The following SEMA3E variants were observed in gnomAD, a reference collection of about 807,000 sequenced individuals.
SEMA3E encodes the protein semaphorin-3E.
In SEMA3E, 49 loss-of-function variants were observed where a neutral mutation model predicts 93.6. The ratio of observed to expected loss-of-function variants is 0.52; its 90% CI spans 0.42 to 0.66. The LOEUF (loss-of-function observed/expected upper bound fraction) is 0.66. Ranked by LOEUF, SEMA3E falls within the 30% of genes least tolerant of loss-of-function variation. The pLI is 0.00. For synonymous variants in SEMA3E, 363 were observed against 330.7 expected (o/e 1.10, Z -1.06); for missense variants, 906 against 964.8 (o/e 0.94, Z 0.81).
intron 2 of SEMA3E, among the ~76,000 whole-genome samples, chr7:83,471,319 CA>C (rs1171315789): frequency 1.5e-5 from 1 of 67,444 alleles, no homozygotes; most frequent in East Asian, 3.9e-4. Context: ...GTAATTAAAA[CA>C]TTAAAAAAAA....
At chr7:83,372,352 T>A in intron 16 of SEMA3E, 1 of 397,744 alleles carries the variant, frequency 2.5e-6, no homozygotes, top group Non-Finnish European at 4.4e-6. Context: ...CTGTTATATC[T>A]CCTGTGAGAG....
chr7:83,646,787 C>T (rs906249796), intron 1 of SEMA3E, among the ~76,000 whole-genome samples: 1 of 151,822 alleles, frequency 6.6e-6, no homozygotes, highest in Non-Finnish European at 1.5e-5. Flanking sequence ...ATTATTAACT[C>T]TCTTATGAAA....
intron 4 of SEMA3E, among the ~76,000 whole-genome samples, chr7:83,464,986 G>A (rs1026505674): frequency 1.4e-5 from 2 of 145,912 alleles, no homozygotes; most frequent in East Asian, 2.1e-4. Context: ...TGACTTGCAC[G>A]TATACACCCA....
intron 16 of SEMA3E, among the ~76,000 whole-genome samples, chr7:83,370,416 A>G (rs545375354): frequency 1.3e-5 from 2 of 152,224 alleles, no homozygotes; most frequent in African/African-American, 4.8e-5. Context: ...GCTATCACAA[A>G]TTCCTATTTA....
Position 83,394,328 on chromosome 7 carries a change from G to A in SEMA3E, c.1469C>T (p.Pro490Leu), listed in dbSNP as rs1215883644. The A allele has an allele frequency of 6.2e-7, 1 of 1,612,742 alleles. No individual in the cohort carries two copies. Among genetic ancestry groups the A allele is most frequent in the Non-Finnish European group, 8.5e-7 (1 of 1,179,544 alleles). Reference sequence around the variant, plus strand: ...TGAAGAAATCTCCATAGAAATAATAGGAACTGGATCCTGAAATTTTAAAAA... The same window carrying A: ...TGAAGAAATCTCCATAGAAATAATAAGAACTGGATCCTGAAATTTTAAAAA... Reference protein sequence around the residue: ...EELQIFKDPVPIISMEISSKR... With the variant: ...EELQIFKDPVLIISMEISSKR... The change falls in exon 13 of 17, where the codon CCT becomes CTT. Residue 490 changes from proline (P) to leucine (L), a missense_variant. By Grantham distance (98) the Pro-to-Leu change is moderately conservative. Coordinates refer to ENST00000643230, the MANE Select transcript of SEMA3E (RefSeq NM_012431.3).
chr7:83,490,423 T>C (rs1790358821), intron 1 of SEMA3E, 149 bp from the exon 2 acceptor site: 1 of 730,642 alleles, frequency 1.4e-6, no homozygotes, highest in Non-Finnish European at 2.3e-6. Flanking sequence ...AATTTTAATG[T>C]GCACAAGTTA....
chr7:83,595,756 G>A (rs1792860189), intron 1 of SEMA3E, among the ~76,000 whole-genome samples: 2 of 151,996 alleles, frequency 1.3e-5, no homozygotes, highest in Non-Finnish European at 2.9e-5. Context: ...ATACCACAGA[G>A]AGGAATCACA....
intron 1 of SEMA3E, among the ~76,000 whole-genome samples, chr7:83,501,681 G>A (rs1000894019): frequency 2.6e-5 from 4 of 152,052 alleles, no homozygotes; most frequent in African/African-American, 9.7e-5. Flanking sequence ...CTACTTCTTC[G>A]TCTGATCATT....
intron 16 of SEMA3E, 143 bp downstream of exon 16, chr7:83,385,151 A>G (rs576172415): frequency 3.7e-5 from 26 of 698,074 alleles, no homozygotes; most frequent in Non-Finnish European, 5.4e-5. Flanking sequence ...TAAATCACAC[A>G]TAACAAATAA....
chr7:83,460,942 T>A (rs1789603608), intron 4 of SEMA3E, among the ~76,000 whole-genome samples: 1 of 151,792 alleles, frequency 6.6e-6, no homozygotes, highest in Non-Finnish European at 1.5e-5. Flanking sequence ...CACCCTCCAT[T>A]CCTCCTTCTA....
intron 1 of SEMA3E, among the ~76,000 whole-genome samples, chr7:83,597,503 A>C (rs1216869531): frequency 6.6e-6 from 1 of 152,108 alleles, no homozygotes; most frequent in South Asian, 2.1e-4. Context: ...CCATTTTACT[A>C]TCTTAACTGT....
At chr7:83,406,980 TG>T (rs1291804767) in intron 7 of SEMA3E, 116 bp downstream of exon 7, 15 of 1,207,250 alleles carry the variant, frequency 1.2e-5, no homozygotes, top group Non-Finnish European at 1.7e-5. Flanking sequence ...AAATATCAAT[TG>T]TAGGCAGTCT....
chr7:83,397,058 G>A (rs1788137195), intron 11 of SEMA3E, among the ~76,000 whole-genome samples: 1 of 149,276 alleles, frequency 6.7e-6, no homozygotes, highest in African/African-American at 2.4e-5. Flanking sequence ...TACAGCCTGG[G>A]GGACAGAGAA....
At chr7:83,474,363 A>G (rs567444500) in intron 2 of SEMA3E, among the ~76,000 whole-genome samples, 1 of 152,282 alleles carries the variant, frequency 6.6e-6, no homozygotes, top group African/African-American at 2.4e-5. Context: ...GTTTTGAATT[A>G]TAGGTATAAA....
At chr7:83,602,252 A>T (rs868052516) in intron 1 of SEMA3E, among the ~76,000 whole-genome samples, 1 of 152,192 alleles carries the variant, frequency 6.6e-6, no homozygotes, top group Non-Finnish European at 1.5e-5. Context: ...CACCAATAAG[A>T]CAAAGCTAGG....
chr7:83,489,447 A>AAAT lies in SEMA3E; in HGVS notation c.276+666_276+667insATT, dbSNP rs1562804256. 1.6e-3 allele frequency among the ~76,000 whole-genome samples: 242 copies of AAAT among 151,850 alleles called. 2 individuals carry two copies. The highest frequency in any genetic ancestry group is 5.7e-3 in the African/African-American group (236 of 41,384). The stretch of plus-strand genomic sequence containing the variant: ...AATATGGACATGGCTCATAAACATA[A>AAAT]AAATCAATTATAAAGAAAGTGTATT... On this transcript the variant is annotated intron_variant, in intron 2 of 16. Coordinates refer to ENST00000643230, the MANE Select transcript of SEMA3E (RefSeq NM_012431.3).
At chr7:83,521,196 T>C (rs900077603) in intron 1 of SEMA3E, among the ~76,000 whole-genome samples, 1 of 152,026 alleles carries the variant, frequency 6.6e-6, no homozygotes, top group African/African-American at 2.4e-5. Context: ...CAAATCACAG[T>C]CTTTCCTGCA....
chr7:83,527,351 A>G (rs1050378178), intron 1 of SEMA3E, among the ~76,000 whole-genome samples: 5 of 152,156 alleles, frequency 3.3e-5, no homozygotes, highest in African/African-American at 1.2e-4. Context: ...AAACTAATAC[A>G]ACCACCAGTG....
At position 83,644,286 on chromosome 7, in the gene SEMA3E, T is replaced by C. The variant is rs1162842904; in HGVS notation, c.115+4142A>G. 4.6e-5 allele frequency among the ~76,000 whole-genome samples: 7 copies of C among 152,020 alleles called. No individual in the cohort carries two copies. The East Asian group carries it at 9.7e-4, about 21-fold the overall frequency. Reference sequence around the variant, plus strand: ...AGTTATTATAACTAGAGGTCAAAGATATGGAAGATGAAATTTGGAGTGAGT... The same window carrying C: ...AGTTATTATAACTAGAGGTCAAAGACATGGAAGATGAAATTTGGAGTGAGT... On this transcript the variant is annotated intron_variant, in intron 1 of 16. Transcript: ENST00000643230.
Sources: gnomAD v4.1 joint callset for allele counts (sites outside exome capture counted in the v4.1 genomes callset) on GRCh38, gnomAD v4.1.1 for gene constraint, MANE v1.5 for transcripts, NCBI Gene and HGNC (gene_info 2026-07-23, HGNC 2026-07-21) for gene names.